RNF17: variants seen among roughly 807,000 people sequenced by gnomAD.
The protein encoded by RNF17 is ring finger protein 17, also known as spermatogenesis associated 23.
In RNF17, 31 loss-of-function variants were observed where a neutral mutation model predicts 200.5. The observed-to-expected ratio is 0.15, with a 90% CI of 0.12 to 0.21. The LOEUF (loss-of-function observed/expected upper bound fraction) is 0.21, where lower values mean the gene tolerates loss of function less well. RNF17 is among the 10% of genes least tolerant of loss of function. RNF17 has a pLI of 1.00. For missense variants in RNF17, 1,628 were observed against 1,905.1 expected (o/e 0.85, Z 2.71); for synonymous variants, 606 against 637.8 (o/e 0.95, Z 0.75).
downstream of RNF17, chr13:24,884,217 G>A (rs1953942757): frequency 1.2e-6 from 2 of 1,614,174 alleles, no homozygotes; most frequent in Non-Finnish European, 1.7e-6. Flanking sequence ...TGTCGTGTGA[G>A]TGGTCTGGGC....
downstream of RNF17, chr13:24,882,749 A>T (rs1566274564): frequency 5.5e-6 from 1 of 183,304 alleles, no homozygotes; most frequent in African/African-American, 2.4e-5. Context: ...TACTAACTGA[A>T]CATAGTAATA....
At chr13:24,806,652 T>A (rs1335899875) in intron 15 of RNF17, among the ~76,000 whole-genome samples, 2 of 152,142 alleles carry the variant, frequency 1.3e-5, no homozygotes, top group Non-Finnish European at 2.9e-5. Flanking sequence ...GCGTTCTTTT[T>A]TTATTATTAT....
At chr13:24,815,428 G>GGGGT (rs1296161698) in intron 15 of RNF17, among the ~76,000 whole-genome samples, 22 of 144,194 alleles carry the variant, frequency 1.5e-4, no homozygotes, top group African/African-American at 5.4e-4. Flanking sequence ...GCCCTAACGG[G>GGGGT]GTGTGTGTGT....
chr13:24,767,399 C>T (rs1399185156), intron 2 of RNF17, 33 bp downstream of exon 2: 1 of 1,330,964 alleles, frequency 7.5e-7, no homozygotes, highest in East Asian at 2.3e-5. Context: ...TGAAACATAT[C>T]ACAACCTAAT....
chr13:24,793,951 G>A lies in RNF17; in HGVS notation c.1240+605G>A, dbSNP rs187685699. 1.5e-3 allele frequency among the ~76,000 whole-genome samples: 225 copies of A among 152,160 alleles called. 1 individual carries two copies. Among genetic ancestry groups the A allele is most frequent in the African/African-American group, 5.2e-3 (218 of 41,528 alleles). On this transcript the variant is annotated intron_variant, in intron 10 of 35. Coordinates refer to ENST00000255324, the MANE Select transcript of RNF17 (RefSeq NM_031277.3). The stretch of plus-strand genomic sequence containing the variant: ...TTTTATTGGTTGACTCTCCAGAATT[G>A]CATTTTAGAAAAGGACACACTTCTT...
chr13:24,869,112 A>AATAC (rs10677543), intron 31 of RNF17, among the ~76,000 whole-genome samples: 35,068 of 152,074 alleles, frequency 0.23, 4,478 homozygotes, highest in Non-Finnish European at 0.29. Flanking sequence ...CTTAGGGTAT[A>AATAC]GCTCCATGTT....
intron 15 of RNF17, among the ~76,000 whole-genome samples, chr13:24,821,799 G>A (rs1246816202): frequency 6.6e-6 from 1 of 152,060 alleles, no homozygotes; most frequent in African/African-American, 2.4e-5. Flanking sequence ...AGACAGTTGA[G>A]TATTTTTGAT....
intron 18 of RNF17, among the ~76,000 whole-genome samples, chr13:24,833,182 G>T (rs1385934362): frequency 2.0e-5 from 3 of 152,192 alleles, no homozygotes; most frequent in Admixed American, 6.5e-5. Flanking sequence ...ACTTTCAGGG[G>T]TAGTTTTTAC....
At chr13:24,866,001 A>G (rs1893583441) in intron 29 of RNF17, 143 bp from the exon 30 acceptor site, 1 of 600,996 alleles carries the variant, frequency 1.7e-6, no homozygotes, top group East Asian at 3.1e-5. Context: ...TATTCAGAAC[A>G]TTAGATTTTC....
the RNF17 span, chr13:24,886,303 AC>A: frequency 7.8e-7 from 1 of 1,289,098 alleles, no homozygotes; most frequent in South Asian, 1.2e-5. Flanking sequence ...GCTGGATGTT[AC>A]GGGAGAATGG....
chr13:24,826,409 A>G (rs1220724710), intron 16 of RNF17, among the ~76,000 whole-genome samples: 7 of 152,234 alleles, frequency 4.6e-5, no homozygotes, highest in African/African-American at 1.7e-4. Flanking sequence ...TAGATATACC[A>G]TAGGCAGTTT....
At chr13:24,860,899 A>G (rs1306533283) in intron 26 of RNF17, among the ~76,000 whole-genome samples, 1 of 150,522 alleles carries the variant, frequency 6.6e-6, no homozygotes, top group Non-Finnish European at 1.5e-5. Context: ...TTTTTTTGAA[A>G]CAAGTTCTTC....
At chr13:24,762,585 T>C (rs1878872856), upstream of RNF17, among the ~76,000 whole-genome samples, 1 of 152,140 alleles carries the variant, frequency 6.6e-6, no homozygotes, top group African/African-American at 2.4e-5. Flanking sequence ...AGGGAAGCAG[T>C]ACTTTTCTCT....
At chr13:24,816,074 T>A (rs1887371157) in intron 15 of RNF17, among the ~76,000 whole-genome samples, 1 of 152,142 alleles carries the variant, frequency 6.6e-6, no homozygotes, top group African/African-American at 2.4e-5. Context: ...TTTACAATTT[T>A]TTTATTTTAG....
chr13:24,882,895 T>C, downstream of RNF17: 1 of 409,770 alleles, frequency 2.4e-6, no homozygotes, highest in Non-Finnish European at 4.5e-6. Flanking sequence ...TAGCCATTTC[T>C]AACCAATAAA....
chr13:24,887,618 C>T, the RNF17 span, among the ~76,000 whole-genome samples: 1 of 152,152 alleles, frequency 6.6e-6, no homozygotes, highest in African/African-American at 2.4e-5. Flanking sequence ...AGGGCTCCCC[C>T]TGATTCTACA....
downstream of RNF17, among the ~76,000 whole-genome samples, chr13:24,881,606 A>C (rs1478827144): frequency 6.6e-6 from 1 of 151,560 alleles, no homozygotes; most frequent in East Asian, 2.0e-4. Flanking sequence ...ATATCTATCT[A>C]GATTACATAG....
At chr13:24,764,802 G>GT (rs949752671) in intron 1 of RNF17, among the ~76,000 whole-genome samples, 3 of 151,856 alleles carry the variant, frequency 2.0e-5, no homozygotes, top group African/African-American at 7.3e-5. Context: ...TTCTGTGGGG[G>GT]TTTTTTTGTT....
chr13:24,800,441 A>G lies in RNF17; in HGVS notation c.1665A>G (p.Leu555=), dbSNP rs764596238. 7.4e-6 allele frequency: 12 copies of G among 1,612,856 alleles called. No individual in the cohort carries two copies. The East Asian group carries it at 2.2e-4, about 30-fold the overall frequency. ...CACTAAATGATTTATGTCTGGTTCT[A>G]AGGAAATCTGAACCATATACTGAAG... The part of the protein sequence containing the change: ...HIALNDLCLV[L]RKSEPYTEGL... Residue 555 remains leucine (L), a synonymous_variant, in exon 13 of 36, where the codon CTA becomes CTG. Transcript: ENST00000255324.
Sources: gnomAD v4.1 joint callset for allele counts (sites outside exome capture counted in the v4.1 genomes callset) on GRCh38, gnomAD v4.1.1 for gene constraint, MANE v1.5 for transcripts, NCBI Gene and HGNC (gene_info 2026-07-23, HGNC 2026-07-21) for gene names.